Variants in UNC13B observed in about 807,000 individuals in gnomAD.
The protein encoded by UNC13B is unc-13 homolog B.
In UNC13B, 144 loss-of-function variants were observed where a neutral mutation model predicts 211.0. That is an observed-to-expected ratio of 0.68 (90% CI 0.60 to 0.78). The LOEUF (loss-of-function observed/expected upper bound fraction) is 0.78, where lower values mean the gene tolerates loss of function less well. Ranked by LOEUF, UNC13B falls within the 30% of genes least tolerant of loss-of-function variation. The pLI is 0.00. For missense variants in UNC13B, 1,777 were observed against 2,002.0 expected (o/e 0.89, Z 2.14); for synonymous variants, 709 against 725.8 (o/e 0.98, Z 0.37).
At chr9:35,228,812 T>C (rs186123920) in intron 2 of UNC13B, among the ~76,000 whole-genome samples, 67 of 151,772 alleles carry the variant, frequency 4.4e-4, no homozygotes, top group Non-Finnish European at 7.4e-4. Flanking sequence ...ATTTGTACCC[T>C]GATTAATAGG....
At chr9:35,164,996 G>A (rs1412577705) in intron 1 of UNC13B, among the ~76,000 whole-genome samples, 1 of 152,182 alleles carries the variant, frequency 6.6e-6, no homozygotes. Context: ...TTTGTGTTCA[G>A]CTGTGGTATT....
intron 1 of UNC13B, among the ~76,000 whole-genome samples, chr9:35,172,501 G>A (rs537138576): frequency 3.9e-5 from 6 of 152,112 alleles, no homozygotes; most frequent in African/African-American, 1.2e-4. Flanking sequence ...TATATTAGGT[G>A]TAACTGCTCT....
intron 1 of UNC13B, among the ~76,000 whole-genome samples, chr9:35,215,240 A>T (rs1484027485): frequency 1.3e-5 from 2 of 152,076 alleles, no homozygotes; most frequent in African/African-American, 4.8e-5. Context: ...TGTTTCTACA[A>T]AAAATTTAAA....
At chr9:35,293,147 CT>C (rs1829178323) in intron 7 of UNC13B, among the ~76,000 whole-genome samples, 1 of 152,202 alleles carries the variant, frequency 6.6e-6, no homozygotes, top group Non-Finnish European at 1.5e-5. Flanking sequence ...CCCTCTCCTG[CT>C]TTTCATATTC....
At chr9:35,346,352 G>T (rs773503553) in intron 11 of UNC13B, among the ~76,000 whole-genome samples, 11 of 152,080 alleles carry the variant, frequency 7.2e-5, no homozygotes, top group Non-Finnish European at 1.3e-4. Flanking sequence ...CCAGATTTGG[G>T]TTAGAAGCAG....
chr9:35,305,987 T>C lies in UNC13B; in HGVS notation c.6583T>C (p.Phe2195Leu). The C allele has an allele frequency of 2.5e-6, 1 of 398,976 alleles. No individual in the cohort carries two copies. The highest frequency in any genetic ancestry group is 1.3e-4 in the South Asian group (1 of 7,846). The allele number at this position is 398,976 out of a possible 1,614,324, so 24.7% of individuals were successfully genotyped here. A position where few individuals can be genotyped will look rare whatever the true frequency, so the allele number is the denominator to read the frequency against. ...AGAAGGGCTATTCACACTTCCTTCA[T>C]TTTTTTCCACTGCTAGCTCAAGCAT... ...QAEGLFTLPS[F>L]FSTASSSIKK... The change falls in exon 9 of 40, where the codon TTT becomes CTT. Residue 2195 changes from phenylalanine (F) to leucine (L), a missense_variant. Coordinates refer to ENST00000635942, the MANE Select transcript of UNC13B (RefSeq NM_001371189.2).
rs1401868010 is a variant in UNC13B at position 35,302,284 on chromosome 9, T to C, written c.2880T>C (p.Asp960=). The C allele has an allele frequency of 2.5e-6, 1 of 398,694 alleles. No homozygotes were observed. The highest frequency in any genetic ancestry group is 1.3e-4 in the South Asian group (1 of 7,858). 24.7% of individuals were successfully genotyped at this position (398,694 alleles called of 1,614,324 possible). A position where few individuals can be genotyped will look rare whatever the true frequency, so the allele number is the denominator to read the frequency against. ...KKNDQINCPE[D]AKLNSIKSSS... ...ATGACCAGATAAATTGTCCTGAAGATGCCAAACTTAATTCAATAAAATCTA... is the reference window on the plus strand; with the variant it reads ...ATGACCAGATAAATTGTCCTGAAGACGCCAAACTTAATTCAATAAAATCTA... The change falls in exon 9 of 40, where the codon GAT becomes GAC. Residue 960 remains aspartate, a synonymous_variant. Coordinates refer to ENST00000635942, the MANE Select transcript of UNC13B (RefSeq NM_001371189.2).
chr9:35,398,219 C>G lies in UNC13B; in HGVS notation c.11763C>G (p.Ile3921Met). 6.2e-7 allele frequency: 1 copy of G among 1,613,648 alleles called. No individual in the cohort carries two copies. The highest frequency in any genetic ancestry group is 1.1e-5 in the South Asian group (1 of 90,920). ...AYCTKEKLPC[I>M]LMNNVQQLRV... ...TACATCTGTCCCCAAAGCCCTGCAT[C>G]CTGATGAACAACGTGCAGCAACTGA... Residue 3921 changes from isoleucine to methionine, a missense_variant, in exon 31 of 40, where the codon ATC (isoleucine) becomes ATG (methionine). Coordinates refer to ENST00000635942, the MANE Select transcript of UNC13B (RefSeq NM_001371189.2).
intron 11 of UNC13B, among the ~76,000 whole-genome samples, chr9:35,363,812 G>A (rs540106065): frequency 2.2e-4 from 33 of 152,298 alleles, no homozygotes; most frequent in African/African-American, 7.5e-4. Context: ...CCTTCTGGAA[G>A]TGTCAGTTTC....
intron 7 of UNC13B, among the ~76,000 whole-genome samples, chr9:35,274,179 G>A (rs1828044956): frequency 6.6e-6 from 1 of 152,160 alleles, no homozygotes; most frequent in South Asian, 2.1e-4. Flanking sequence ...CTGCCTATCA[G>A]GAGATATATC....
At chr9:35,201,094 C>G (rs1050142906) in intron 1 of UNC13B, among the ~76,000 whole-genome samples, 2 of 151,922 alleles carry the variant, frequency 1.3e-5, no homozygotes, top group Admixed American at 6.6e-5. Context: ...TTGAGATAAT[C>G]ATGTGGTTTT....
rs768937758 is a variant in UNC13B, at chr9:35,376,254, G to A, written c.9835+7G>A. On this transcript the variant is annotated splice_region_variant and intron_variant, in intron 15 of 39. Transcript: ENST00000635942. ...AATGCTGACTGCCTGCAGCGTGAGT[G>A]CCCTGCGGGATGAGGGGCGGGGAGT... 1.9e-6 allele frequency: 3 copies of A among 1,612,564 alleles called. No individual in the cohort carries two copies. Among genetic ancestry groups the A allele is most frequent in the East Asian group, 2.2e-5 (1 of 44,866 alleles).
At position 35,352,229 on chromosome 9, in the gene UNC13B, A is replaced by G. The variant is rs1031805372; in HGVS notation, c.9415-14718A>G. On this transcript the variant is annotated intron_variant, in intron 11 of 39. Transcript: ENST00000635942. ...TCCTGAACAAGATGGAGAAAATACT[A>G]TGGAACTGGTGGAAAGCTTTCTAGC... 9.7e-6 allele frequency: 12 copies of G among 1,232,054 alleles called. No individual in the cohort carries two copies. The African/African-American group carries it at 1.1e-4, about 11-fold the overall frequency. The allele number at this position is 1,232,054 out of a possible 1,614,324, so 76.3% of individuals were successfully genotyped here. A position where few individuals can be genotyped will look rare whatever the true frequency, so the allele number is the denominator to read the frequency against.
At chr9:35,281,225 G>A (rs1254502857) in intron 7 of UNC13B, among the ~76,000 whole-genome samples, 2 of 149,214 alleles carry the variant, frequency 1.3e-5, no homozygotes, top group East Asian at 3.9e-4. Context: ...ACTCCAGCCT[G>A]GTGACAGAGC....
In UNC13B at chr9:35,302,819, T is replaced by A; in HGVS notation, c.3415T>A (p.Ser1139Thr). 1 of 398,612 alleles carries A rather than the reference T, an allele frequency of 2.5e-6. No individual in the cohort carries two copies. The allele number at this position is 398,612 out of a possible 1,614,324, so 24.7% of individuals were successfully genotyped here. The change falls in exon 9 of 40, where the codon TCC becomes ACC. Residue 1139 changes from serine (S) to threonine (T), a missense_variant. Coordinates refer to ENST00000635942, the MANE Select transcript of UNC13B (RefSeq NM_001371189.2). Reference protein sequence around the residue: ...INEDEVIDKTSKKNTQGSFLS... With the variant: ...INEDEVIDKTTKKNTQGSFLS... ...TGAAGATGAGGTTATAGATAAGACT[T>A]CCAAGAAAAATACCCAAGGAAGCTT...
At chr9:35,177,220 C>T (rs993987825) in intron 1 of UNC13B, among the ~76,000 whole-genome samples, 1 of 152,082 alleles carries the variant, frequency 6.6e-6, no homozygotes, top group Non-Finnish European at 1.5e-5. Context: ...AACCCAGGGG[C>T]GGAGATTTCA....
At chr9:35,319,443 A>T (rs1294212293) in intron 11 of UNC13B, among the ~76,000 whole-genome samples, 1 of 146,468 alleles carries the variant, frequency 6.8e-6, no homozygotes, top group Non-Finnish European at 1.5e-5. Context: ...AAAATTAGAT[A>T]CAGGGGATAC....
At chr9:35,396,652 C>T (rs1057381214) in intron 27 of UNC13B, 50 bp downstream of exon 27, 1 of 1,609,898 alleles carries the variant, frequency 6.2e-7, no homozygotes, top group Non-Finnish European at 8.5e-7. Context: ...TCTGGGTGGG[C>T]AGGGCTAGTA....
intron 7 of UNC13B, among the ~76,000 whole-genome samples, chr9:35,294,803 A>G (rs764368141): frequency 9.2e-5 from 14 of 152,200 alleles, no homozygotes; most frequent in Non-Finnish European, 1.9e-4. Context: ...CAGGCTTCAA[A>G]GCACTCTTAG....
Sources: gnomAD v4.1 joint callset for allele counts (sites outside exome capture counted in the v4.1 genomes callset) on GRCh38, gnomAD v4.1.1 for gene constraint, MANE v1.5 for transcripts, NCBI Gene and HGNC (gene_info 2026-07-23, HGNC 2026-07-21) for gene names.